C7orf25: variants seen among roughly 807,000 people sequenced by gnomAD.
C7orf25 encodes UPF0415 protein C7orf25.
Under a neutral mutation model 25.5 loss-of-function variants are expected in C7orf25, and 14 were observed. The ratio of observed to expected loss-of-function variants is 0.55; its 90% CI spans 0.36 to 0.86. C7orf25 has a LOEUF of 0.86. Ranked by LOEUF, C7orf25 falls within the 40% of genes least tolerant of loss-of-function variation. C7orf25 has a pLI of 0.01. For synonymous variants in C7orf25, 184 were observed against 179.9 expected (o/e 1.02, Z -0.18); for missense variants, 405 against 493.9 (o/e 0.82, Z 1.71).
Position 42,909,559 on chromosome 7 carries a change from T to TC in C7orf25, c.*75dup. On this transcript the variant is annotated 3_prime_UTR_variant, in exon 2 of 2. Coordinates refer to ENST00000350427, the MANE Select transcript of C7orf25 (RefSeq NM_001099858.2). ...TTTTACTTTTACTATAGACCTTTTT[T>TC]CCCACCAGTTTAGATGGGAAGACCC... The TC allele has an allele frequency of 3.4e-6, 5 of 1,481,378 alleles. No homozygotes were observed. Among genetic ancestry groups the TC allele is most frequent in the Non-Finnish European group, 4.5e-6 (5 of 1,103,174 alleles). The allele number at this position is 1,481,378 out of a possible 1,614,324, so 91.8% of individuals were successfully genotyped here.
At position 42,910,061 on chromosome 7, in the gene C7orf25, T is replaced by C. The variant is rs1434353881; in HGVS notation, c.840A>G (p.Ala280=). Residue 280 remains alanine (A), a synonymous_variant, in exon 2 of 2, where the codon GCA becomes GCG. Transcript: ENST00000350427. The part of the protein sequence containing the change: ...IFKEKVLTEQ[A]EQERKEQVLP... The stretch of plus-strand genomic sequence containing the variant: ...GAACCTGCTCTTTCCTCTCTTGCTC[T>C]GCTTGTTCTGTGAGCACTTTCTCTT... The C allele has an allele frequency of 6.2e-7, 1 of 1,614,218 alleles. No homozygotes were observed. The highest frequency in any genetic ancestry group is 8.5e-7 in the Non-Finnish European group (1 of 1,180,052).
intron 1 of C7orf25, 84 bp downstream of exon 1, chr7:42,911,831 C>T: frequency 2.3e-6 from 3 of 1,300,622 alleles, no homozygotes; most frequent in South Asian, 2.1e-5. Context: ...CCCCTTCCCG[C>T]CGGGCCGGCC....
rs1288924017 is a variant in C7orf25 at position 42,909,438 on chromosome 7, TGATA to T, written c.*193_*196del. Reference sequence around the variant, plus strand: ...CTTAATTGCACTAATGCAGACAGTTTGATAGATAAGCTTCTCTCTTGTGCTTTTT... The same window carrying T: ...CTTAATTGCACTAATGCAGACAGTTTGATAAGCTTCTCTCTTGTGCTTTTT... On this transcript the variant is annotated 3_prime_UTR_variant, in exon 2 of 2. Transcript: ENST00000350427. 1.7e-6 allele frequency: 1 copy of T among 583,754 alleles called. No homozygotes were observed. Among genetic ancestry groups the T allele is most frequent in the African/African-American group, 1.9e-5 (1 of 53,436 alleles). 36.2% of individuals were successfully genotyped at this position (583,754 alleles called of 1,614,324 possible).
Position 42,910,327 on chromosome 7 carries a change from T to C in C7orf25, c.574A>G (p.Ile192Val). 2 of 1,614,248 alleles carry C rather than the reference T, an allele frequency of 1.2e-6. No homozygotes were observed. Among genetic ancestry groups the C allele is most frequent in the South Asian group, 2.2e-5 (2 of 91,086 alleles). The change falls in exon 2 of 2, where the codon ATA (isoleucine) becomes GTA (valine). Residue 192 changes from isoleucine to valine, a missense_variant. Ile to Val is a conservative substitution (Grantham distance 29). Transcript: ENST00000350427. The stretch of plus-strand genomic sequence containing the variant: ...TCTAACAGAGCGTTGACTGCTACTA[T>C]GTCTCCTCTCACAGATATGCCCATT... ...KEMGISVRGD[I>V]VAVNALLDHP...
At chr7:42,911,033 TA>T in intron 1 of C7orf25, 112 bp from the exon 2 acceptor site, 1 of 1,544,844 alleles carries the variant, frequency 6.5e-7, no homozygotes, top group Non-Finnish European at 8.8e-7. Context: ...AGGGTGAGTC[TA>T]TGAACCCGGG....
Position 42,911,930 on chromosome 7 carries a change from C to T in C7orf25, c.-37G>A, listed in dbSNP as rs1455866400. ...GGCTCCTCACCGGCAGCGCCAGAAC[C>T]GCGAGCGCGAGCACGCAGGCGCGTG... On this transcript the variant is annotated 5_prime_UTR_variant, in exon 1 of 2. Coordinates refer to ENST00000350427, the MANE Select transcript of C7orf25 (RefSeq NM_001099858.2). The T allele has an allele frequency of 6.8e-7, 1 of 1,480,966 alleles. No individual in the cohort carries two copies. Among genetic ancestry groups the T allele is most frequent in the Admixed American group, 2.3e-5 (1 of 42,894 alleles). 91.7% of individuals were successfully genotyped at this position (1,480,966 alleles called of 1,614,324 possible). A position where few individuals can be genotyped will look rare whatever the true frequency, so the allele number is the denominator to read the frequency against.
chr7:42,911,535 A>C lies in C7orf25; in HGVS notation c.-22+380T>G, dbSNP rs1051259920. 1.4e-5 allele frequency: 14 copies of C among 1,000,466 alleles called. No individual in the cohort carries two copies. In the African/African-American group the frequency reaches 2.4e-4, roughly 17 times the overall value. The allele number at this position is 1,000,466 out of a possible 1,614,324, so 62.0% of individuals were successfully genotyped here. Reference sequence around the variant, plus strand: ...AACCCAGACTATTTTAAAAGACCGAAGAAGACCACCAACTTGCGTCCCACT... The same window carrying C: ...AACCCAGACTATTTTAAAAGACCGACGAAGACCACCAACTTGCGTCCCACT... On this transcript the variant is annotated intron_variant, in intron 1 of 1. Transcript: ENST00000350427.
At chr7:42,911,057 T>G in intron 1 of C7orf25, 136 bp from the exon 2 acceptor site, 1 of 1,413,202 alleles carries the variant, frequency 7.1e-7, no homozygotes, top group East Asian at 2.4e-5. Context: ...TGTGTATGTC[T>G]CATTCTGGAG....
intron 1 of C7orf25, 80 bp downstream of exon 1, chr7:42,911,835 G>T: frequency 7.6e-7 from 1 of 1,307,888 alleles, no homozygotes; most frequent in Non-Finnish European, 9.7e-7. Flanking sequence ...TTCCCGCCGG[G>T]CCGGCCCTGC....
In C7orf25 at chr7:42,911,911, T is replaced by C; in HGVS notation, c.-22+4A>G. 1 of 1,466,220 alleles carries C rather than the reference T, an allele frequency of 6.8e-7. No homozygotes were observed. Among genetic ancestry groups the C allele is most frequent in the Non-Finnish European group, 9.0e-7 (1 of 1,116,472 alleles). 90.8% of individuals were successfully genotyped at this position (1,466,220 alleles called of 1,614,324 possible). A position where few individuals can be genotyped will look rare whatever the true frequency, so the allele number is the denominator to read the frequency against. Reference sequence around the variant, plus strand: ...CCTCCCCGCCTCGCTCCCCGGCTCCTCACCGGCAGCGCCAGAACCGCGAGC... The same window carrying C: ...CCTCCCCGCCTCGCTCCCCGGCTCCCCACCGGCAGCGCCAGAACCGCGAGC... On this transcript the variant is annotated splice_donor_region_variant and intron_variant, in intron 1 of 1. Coordinates refer to ENST00000350427, the MANE Select transcript of C7orf25 (RefSeq NM_001099858.2).
Position 42,909,475 on chromosome 7 carries a change from G to T in C7orf25, c.*160C>A. On this transcript the variant is annotated 3_prime_UTR_variant, in exon 2 of 2. Transcript: ENST00000350427. ...TTCTCTCTTGTGCTTTTTCTACTTT[G>T]GGAGGTTATATACTTTAGATGAGAG... is the stretch of plus-strand genomic sequence containing the variant. 2.9e-6 allele frequency: 2 copies of T among 698,738 alleles called. No homozygotes were observed. The highest frequency in any genetic ancestry group is 4.6e-6 in the Non-Finnish European group (2 of 438,712). The allele number at this position is 698,738 out of a possible 1,614,324, so 43.3% of individuals were successfully genotyped here.
At position 42,909,551 on chromosome 7, in the gene C7orf25, A is replaced by G. The variant is rs115201095; in HGVS notation, c.*84T>C. ...GTTCTCAGTTTTACTTTTACTATAG[A>G]CCTTTTTTCCCACCAGTTTAGATGG... On this transcript the variant is annotated 3_prime_UTR_variant, in exon 2 of 2. Coordinates refer to ENST00000350427, the MANE Select transcript of C7orf25 (RefSeq NM_001099858.2). The G allele has an allele frequency of 6.5e-4, 932 of 1,423,198 alleles. 4 individuals are homozygous for G. The African/African-American group carries it at 0.012, about 19-fold the overall frequency. The allele number at this position is 1,423,198 out of a possible 1,614,324, so 88.2% of individuals were successfully genotyped here. A position where few individuals can be genotyped will look rare whatever the true frequency, so the allele number is the denominator to read the frequency against.
chr7:42,911,877 C>A (rs1229349671), intron 1 of C7orf25, 38 bp downstream of exon 1: 3 of 1,406,066 alleles, frequency 2.1e-6, no homozygotes, highest in East Asian at 3.1e-5. Context: ...AGAGGCGCCC[C>A]GCTCCCAGCC....
At chr7:42,911,714 G>C in intron 1 of C7orf25, 1 of 1,184,848 alleles carries the variant, frequency 8.4e-7, no homozygotes, top group Non-Finnish European at 1.0e-6. Flanking sequence ...CCTCGGCCCT[G>C]CCCGGCCACC....
rs370667095 is a variant in C7orf25 at position 42,910,835 on chromosome 7, T to C, written c.66A>G (p.Glu22=). The C allele has an allele frequency of 6.8e-6, 11 of 1,614,108 alleles. No homozygotes were observed. Among genetic ancestry groups the C allele is most frequent in the Non-Finnish European group, 9.3e-6 (11 of 1,180,056 alleles). Residue 22 remains glutamate, a synonymous_variant, in exon 2 of 2, where the codon GAA becomes GAG. Coordinates refer to ENST00000350427, the MANE Select transcript of C7orf25 (RefSeq NM_001099858.2). ...AIAKELIKRA[E]SLSRSRKGGI... is the part of the protein sequence containing the mutation. The stretch of plus-strand genomic sequence containing the variant: ...CACCTTTTCTTGATCTAGAAAGTGA[T>C]TCTGCTCTCTTGATCAGTTCCTTGG...
At chr7:42,911,348 T>C (rs2128671966) in intron 1 of C7orf25, 1 of 1,162,146 alleles carries the variant, frequency 8.6e-7, no homozygotes, top group South Asian at 1.7e-5. Flanking sequence ...TAGCAAACTG[T>C]CCAAAGCAAG....
chr7:42,911,632 A>C (rs1208127029), intron 1 of C7orf25: 3 of 1,085,556 alleles, frequency 2.8e-6, no homozygotes, highest in African/African-American at 3.3e-5. Context: ...GCGGCCGTGC[A>C]AGCGGCCCCA....
Position 42,910,731 on chromosome 7 carries a change from A to T in C7orf25, c.170T>A (p.Val57Glu), listed in dbSNP as rs1454593838. The T allele has an allele frequency of 6.2e-7, 1 of 1,614,052 alleles. No individual in the cohort carries two copies. Among genetic ancestry groups the T allele is most frequent in the East Asian group, 2.2e-5 (1 of 44,900 alleles). ...CTGTAAATGAGACTCTTTAATAGCT[A>T]CTTTCCCAGCTTCTACTTTCTGCAA... Reference protein sequence around the residue: ...KFLQKVEAGKVAIKESHLQST... With the variant: ...KFLQKVEAGKEAIKESHLQST... The change falls in exon 2 of 2, where the codon GTA becomes GAA. Residue 57 changes from valine (V) to glutamate (E), a missense_variant. Val to Glu is a moderately radical substitution (Grantham distance 121). Coordinates refer to ENST00000350427, the MANE Select transcript of C7orf25 (RefSeq NM_001099858.2).
rs1785872594 is a variant in C7orf25, at chr7:42,910,762, T to G, written c.139A>C (p.Lys47Gln). Residue 47 changes from lysine to glutamine, a missense_variant, in exon 2 of 2, where the codon AAA (lysine) becomes CAA (glutamine). Coordinates refer to ENST00000350427, the MANE Select transcript of C7orf25 (RefSeq NM_001099858.2). ...KLCSKLKAEL[K>Q]FLQKVEAGKV... ...CCAGCTTCTACTTTCTGCAAGAATTTTAATTCTGCCTTCAATTTGCTGCAC... is the reference window on the plus strand; with the variant it reads ...CCAGCTTCTACTTTCTGCAAGAATTGTAATTCTGCCTTCAATTTGCTGCAC... 1.2e-6 allele frequency: 2 copies of G among 1,614,218 alleles called. No individual in the cohort carries two copies. Among genetic ancestry groups the G allele is most frequent in the Non-Finnish European group, 1.7e-6 (2 of 1,180,044 alleles).
Sources: gnomAD v4.1 joint callset for allele counts on GRCh38, gnomAD v4.1.1 for gene constraint, MANE v1.5 for transcripts, NCBI Gene and HGNC (gene_info 2026-07-23, HGNC 2026-07-21) for gene names.